LRRC4C: variants seen among roughly 807,000 people sequenced by gnomAD.
LRRC4C encodes leucine rich repeat containing 4C.
A neutral mutation model predicts 33.6 loss-of-function variants in LRRC4C; 5 were observed. The ratio of observed to expected loss-of-function variants is 0.15; its 90% CI spans 0.08 to 0.31. LRRC4C has a LOEUF of 0.31. Ranked by LOEUF, LRRC4C falls within the 10% of genes least tolerant of loss-of-function variation. The pLI, the probability that LRRC4C is intolerant of heterozygous loss-of-function variation, is 1.00. For synonymous variants in LRRC4C, 329 were observed against 302.0 expected, an observed-to-expected ratio of 1.09 and a Z score of -0.93; for missense variants, 560 against 796.7, an observed-to-expected ratio of 0.70 and a Z score of 3.58.
chr11:40,276,674 AGTGTGTGTGTGT>A (rs56155922), intron 4 of LRRC4C, among the ~76,000 whole-genome samples: 142 of 127,642 alleles, frequency 1.1e-3, no homozygotes, highest in African/African-American at 3.5e-3. Context: ...GTGGGAAACA[AGTGTGTGTGTGT>A]GTGTGTGTGT....
chr11:41,445,975 A>G (rs964882274), intron 1 of LRRC4C, among the ~76,000 whole-genome samples: 13 of 152,042 alleles, frequency 8.6e-5, no homozygotes, highest in Middle Eastern at 3.4e-3. Flanking sequence ...CATTTAGATG[A>G]CATTACTTAT....
At chr11:40,767,131 T>TA (rs558598473) in intron 2 of LRRC4C, among the ~76,000 whole-genome samples, 1 of 151,380 alleles carries the variant, frequency 6.6e-6, no homozygotes, top group African/African-American at 2.4e-5. Flanking sequence ...ATAAATAAAA[T>TA]AAAAAATATT....
intron 4 of LRRC4C, among the ~76,000 whole-genome samples, chr11:40,309,907 C>T (rs765013494): frequency 1.3e-5 from 2 of 152,136 alleles, no homozygotes; most frequent in Non-Finnish European, 2.9e-5. Context: ...GCTGAACATT[C>T]TGTGGAAGCA....
At chr11:40,358,913 G>A (rs995199213) in intron 3 of LRRC4C, among the ~76,000 whole-genome samples, 3 of 151,984 alleles carry the variant, frequency 2.0e-5, no homozygotes, top group Admixed American at 1.3e-4. Context: ...GTGAGCTGGT[G>A]CTGGTTTGGC....
chr11:40,954,616 G>A (rs185636551), intron 1 of LRRC4C, among the ~76,000 whole-genome samples: 80 of 151,870 alleles, frequency 5.3e-4, no homozygotes, highest in African/African-American at 1.8e-3. Context: ...ATAAAGTATG[G>A]TTAATCTGGC....
intron 3 of LRRC4C, among the ~76,000 whole-genome samples, chr11:40,333,717 C>CAAAA (rs60450935): frequency 3.8e-5 from 3 of 78,504 alleles, no homozygotes; most frequent in African/African-American, 1.0e-4. Flanking sequence ...GACTTTGTCT[C>CAAAA]AAAAAAAAAA....
chr11:41,329,760 T>A (rs1951235424), intron 1 of LRRC4C, among the ~76,000 whole-genome samples: 1 of 152,190 alleles, frequency 6.6e-6, no homozygotes. Flanking sequence ...AATGTGGAGC[T>A]TTTTTGTTGT....
chr11:40,963,880 C>T (rs1302485947), intron 1 of LRRC4C, among the ~76,000 whole-genome samples: 2 of 151,710 alleles, frequency 1.3e-5, no homozygotes, highest in Admixed American at 1.3e-4. Flanking sequence ...CTGGCAATGT[C>T]TTCTTAGTTT....
rs546381297 is a variant in LRRC4C, at chr11:40,543,968, T to A, written c.-270+104174A>T. Among the ~76,000 whole-genome samples the A allele has an allele frequency of 3.1e-4, 47 of 152,206 alleles. 1 individual carries two copies. The South Asian group carries it at 9.7e-3, about 31-fold the overall frequency. ...CACTGACAGCTAAAGGAGGGTTTTGTGAGGAAACACTGCTCTCAGCATCTA... is the reference window on the plus strand; with the variant it reads ...CACTGACAGCTAAAGGAGGGTTTTGAGAGGAAACACTGCTCTCAGCATCTA... On this transcript the variant is annotated intron_variant, in intron 3 of 6. Transcript: ENST00000528697.
intron 5 of LRRC4C, among the ~76,000 whole-genome samples, chr11:40,167,875 C>T (rs769285925): frequency 8.4e-4 from 128 of 151,884 alleles, no homozygotes; most frequent in Non-Finnish European, 8.0e-4. Flanking sequence ...AGAAACCCTG[C>T]CTCTACTAAA....
chr11:40,861,523 A>G (rs917266402), intron 2 of LRRC4C, among the ~76,000 whole-genome samples: 1 of 152,222 alleles, frequency 6.6e-6, no homozygotes, highest in African/African-American at 2.4e-5. Context: ...ACCAAGAACA[A>G]AGAAGAGAGG....
At chr11:40,964,884 C>A (rs1277276111) in intron 1 of LRRC4C, among the ~76,000 whole-genome samples, 1 of 151,884 alleles carries the variant, frequency 6.6e-6, no homozygotes, top group Non-Finnish European at 1.5e-5. Flanking sequence ...GGGTATATAC[C>A]CAGTAATAGG....
chr11:41,268,279 A>G (rs981565809), intron 1 of LRRC4C, among the ~76,000 whole-genome samples: 5 of 152,078 alleles, frequency 3.3e-5, no homozygotes, highest in African/African-American at 1.2e-4. Flanking sequence ...GAAGTAGATC[A>G]TTCCCTAGTT....
At chr11:40,225,362 T>C (rs1019190317) in intron 5 of LRRC4C, among the ~76,000 whole-genome samples, 2 of 152,156 alleles carry the variant, frequency 1.3e-5, no homozygotes, top group Non-Finnish European at 2.9e-5. Context: ...AAAATGGACC[T>C]TTCCTATAAA....
chr11:40,205,118 A>T (rs952115549), intron 5 of LRRC4C, among the ~76,000 whole-genome samples: 6 of 152,324 alleles, frequency 3.9e-5, no homozygotes, highest in African/African-American at 1.4e-4. Flanking sequence ...GGGCCTTCAC[A>T]GAAGGTGCTG....
chr11:40,504,443 G>A (rs1002229205), intron 3 of LRRC4C, among the ~76,000 whole-genome samples: 2 of 145,338 alleles, frequency 1.4e-5, no homozygotes, highest in African/African-American at 5.3e-5. Flanking sequence ...CAGATGAACA[G>A]AATATGAACA....
Position 41,089,594 on chromosome 11 carries a change from TAA to T in LRRC4C, c.-495-155873_-495-155872del, listed in dbSNP as rs5791420. Among the ~76,000 whole-genome samples, 2 of 149,716 alleles carry T rather than the reference TAA, an allele frequency of 1.3e-5. 1 individual carries two copies. The highest frequency in any genetic ancestry group is 4.9e-5 in the African/African-American group (2 of 40,942). On this transcript the variant is annotated intron_variant, in intron 1 of 6. Transcript: ENST00000528697. ...CAGATTGCTAAATCTATAATTTTTG[TAA>T]AAAAAAAATTGGTGCATTTTTACAA...
chr11:41,223,917 A>T (rs1947414104), intron 1 of LRRC4C, among the ~76,000 whole-genome samples: 1 of 152,126 alleles, frequency 6.6e-6, no homozygotes, highest in South Asian at 2.1e-4. Context: ...TTGCTTTCCC[A>T]ATTAGTTTCT....
intron 5 of LRRC4C, among the ~76,000 whole-genome samples, chr11:40,231,370 T>G (rs1356706277): frequency 6.6e-6 from 1 of 152,218 alleles, no homozygotes; most frequent in East Asian, 1.9e-4. Context: ...CAACTATTTT[T>G]ATTATAATAA....
Sources: gnomAD v4.1 joint callset for allele counts (sites outside exome capture counted in the v4.1 genomes callset) on GRCh38, gnomAD v4.1.1 for gene constraint, MANE v1.5 for transcripts, NCBI Gene and HGNC (gene_info 2026-07-23, HGNC 2026-07-21) for gene names.